STRN3: variants seen among roughly 807,000 people sequenced by gnomAD.
The protein encoded by STRN3 is striatin 3, also known as striatin-3.
In STRN3, 29 loss-of-function variants were observed where a neutral mutation model predicts 95.6. The ratio of observed to expected loss-of-function variants is 0.30; its 90% confidence interval spans 0.23 to 0.41. The LOEUF (loss-of-function observed/expected upper bound fraction) is 0.41, where lower values mean the gene tolerates loss of function less well. Among genes scored for constraint, STRN3 ranks in the 10% least tolerant of loss-of-function variants. The pLI, the probability that STRN3 is intolerant of heterozygous loss-of-function variation, is 1.00. For synonymous variants in STRN3, 331 were observed against 357.6 expected (o/e 0.93, Z 0.84); for missense variants, 890 against 972.1 (o/e 0.92, Z 1.12).
intron 1 of STRN3, among the ~76,000 whole-genome samples, chr14:30,977,629 C>CAAAA (rs558862269): frequency 7.6e-6 from 1 of 132,402 alleles, no homozygotes; most frequent in Admixed American, 7.5e-5. Flanking sequence ...ACTAAAAATA[C>CAAAA]AAAAAAAAAA....
At chr14:30,945,251 T>C (rs907664855) in intron 5 of STRN3, among the ~76,000 whole-genome samples, 2 of 152,176 alleles carry the variant, frequency 1.3e-5, no homozygotes, top group African/African-American at 4.8e-5. Flanking sequence ...GGAAAAGAGT[T>C]TGGCAGGTCC....
At chr14:30,973,896 A>T (rs1449162993) in intron 1 of STRN3, among the ~76,000 whole-genome samples, 2 of 152,214 alleles carry the variant, frequency 1.3e-5, no homozygotes, top group South Asian at 4.1e-4. Context: ...TAGAAAAAGC[A>T]CTGGACAGAA....
Position 30,912,132 on chromosome 14 carries a change from T to C in STRN3, c.1425A>G (p.Thr475=), listed in dbSNP as rs772031799. 1.2e-5 allele frequency: 19 copies of C among 1,613,794 alleles called. No homozygotes were observed. In the South Asian group the frequency reaches 1.4e-4, roughly 12 times the overall value. ...GTACTCCATCAAAATGGCTACGTAG[T>C]GTATACTTGGGATTCCATGTCTTTC... The part of the protein sequence containing the change: ...AFRKTWNPKY[T]LRSHFDGVRA... Residue 475 remains threonine, a synonymous_variant, in exon 11 of 18, where the codon ACA becomes ACG. Transcript: ENST00000357479.
At chr14:30,927,101 C>T (rs1197774806) in intron 8 of STRN3, among the ~76,000 whole-genome samples, 2 of 151,808 alleles carry the variant, frequency 1.3e-5, no homozygotes, top group Non-Finnish European at 2.9e-5. Flanking sequence ...GCCAAGAGTT[C>T]GAGACCAGCT....
intron 1 of STRN3, among the ~76,000 whole-genome samples, chr14:30,991,507 C>T (rs1881953208): frequency 6.6e-6 from 1 of 152,114 alleles, no homozygotes; most frequent in Non-Finnish European, 1.5e-5. Flanking sequence ...ACCTCATTTA[C>T]ACTTGCAGGC....
At chr14:31,006,706 A>C (rs1882734337) in intron 1 of STRN3, among the ~76,000 whole-genome samples, 1 of 152,128 alleles carries the variant, frequency 6.6e-6, no homozygotes, top group Non-Finnish European at 1.5e-5. Flanking sequence ...AAAAACAAAA[A>C]AAGAAAAAGA....
intron 9 of STRN3, among the ~76,000 whole-genome samples, chr14:30,917,818 A>T (rs1040925113): frequency 1.3e-5 from 2 of 152,202 alleles, no homozygotes; most frequent in Admixed American, 6.5e-5. Context: ...AAAGGGAACA[A>T]GATGTATTTA....
chr14:30,995,080 T>G (rs1228256848), intron 1 of STRN3, among the ~76,000 whole-genome samples: 1 of 152,236 alleles, frequency 6.6e-6, no homozygotes, highest in African/African-American at 2.4e-5. Context: ...GAAAATACCG[T>G]GTTCATTGTA....
chr14:30,907,381 T>G (rs1566428315), intron 13 of STRN3, among the ~76,000 whole-genome samples: 1 of 152,028 alleles, frequency 6.6e-6, no homozygotes, highest in Non-Finnish European at 1.5e-5. Flanking sequence ...TTTTGGTATG[T>G]TGTTCACAGA....
chr14:31,011,370 G>A (rs1377493713), intron 1 of STRN3, among the ~76,000 whole-genome samples: 3 of 152,142 alleles, frequency 2.0e-5, no homozygotes. Context: ...CTCTCAAACT[G>A]GGTATACATA....
At chr14:30,975,191 A>T (rs1235983047) in intron 1 of STRN3, among the ~76,000 whole-genome samples, 2 of 151,284 alleles carry the variant, frequency 1.3e-5, no homozygotes, top group African/African-American at 4.9e-5. Context: ...TGGATAAAGA[A>T]AATGTGATAT....
chr14:31,024,086 C>A (rs1449571003), intron 1 of STRN3, among the ~76,000 whole-genome samples: 1 of 152,134 alleles, frequency 6.6e-6, no homozygotes, highest in Non-Finnish European at 1.5e-5. Context: ...GCAATAAAGG[C>A]TTCTTTAATA....
intron 4 of STRN3, among the ~76,000 whole-genome samples, chr14:30,948,933 C>T (rs1236014748): frequency 1.3e-5 from 2 of 152,142 alleles, no homozygotes; most frequent in African/African-American, 4.8e-5. Context: ...GAATGAACTG[C>T]CAAGATCTCA....
chr14:30,927,364 T>A (rs1184344191), intron 8 of STRN3, among the ~76,000 whole-genome samples: 1 of 151,944 alleles, frequency 6.6e-6, no homozygotes, highest in Non-Finnish European at 1.5e-5. Flanking sequence ...CATACTTTTT[T>A]TAATTAAAAA....
At chr14:30,937,851 T>C (rs1165532226) in intron 5 of STRN3, among the ~76,000 whole-genome samples, 1 of 152,188 alleles carries the variant, frequency 6.6e-6, no homozygotes, top group Non-Finnish European at 1.5e-5. Context: ...CCTCTCTGAC[T>C]GGTTCCCTCC....
intron 1 of STRN3, among the ~76,000 whole-genome samples, chr14:31,016,276 C>CTCA (rs1320776530): frequency 6.6e-6 from 1 of 152,152 alleles, no homozygotes; most frequent in East Asian, 1.9e-4. Flanking sequence ...ACAGCCTTTA[C>CTCA]TCATAATTGT....
intron 1 of STRN3, 43 bp from the exon 2 acceptor site, chr14:30,956,285 C>G (rs775332403): frequency 1.3e-6 from 2 of 1,561,194 alleles, no homozygotes; most frequent in East Asian, 2.2e-5. Context: ...TTCCCTTAAC[C>G]ATACATAGGA....
intron 1 of STRN3, among the ~76,000 whole-genome samples, chr14:31,008,234 G>A (rs916586014): frequency 6.6e-6 from 1 of 151,784 alleles, no homozygotes; most frequent in Admixed American, 6.6e-5. Flanking sequence ...AATTGGCTGG[G>A]TGCAGTGGCT....
intron 13 of STRN3, among the ~76,000 whole-genome samples, chr14:30,909,896 T>G (rs1342780626): frequency 6.6e-6 from 1 of 152,206 alleles, no homozygotes; most frequent in Middle Eastern, 3.2e-3. Flanking sequence ...ACATAATTTA[T>G]CAATAAATCC....
Sources: allele counts gnomAD v4.1 joint callset (sites outside exome capture counted in the v4.1 genomes callset), GRCh38; gene constraint gnomAD v4.1.1; transcripts MANE v1.5; gene names NCBI Gene and HGNC (gene_info 2026-07-23, HGNC 2026-07-21).